The following UBE4B variants were observed in gnomAD, a reference collection of about 807,000 sequenced individuals.
The protein encoded by UBE4B is ubiquitin conjugation factor E4 B.
A neutral mutation model predicts 148.1 loss-of-function variants in UBE4B; 27 were observed. The ratio of observed to expected loss-of-function variants is 0.18; its 90% CI spans 0.13 to 0.25. The LOEUF is 0.25. Among genes scored for constraint, UBE4B ranks in the 10% least tolerant of loss-of-function variants. The probability of loss-of-function intolerance (pLI) is 1.00; values close to 1 mark genes in which losing one functional copy is unlikely to be tolerated. For missense variants in UBE4B, 1,170 were observed against 1,662.4 expected (o/e 0.70, Z 5.15); for synonymous variants, 596 against 619.3 (o/e 0.96, Z 0.56).
At chr1:10,119,388 T>C in intron 8 of UBE4B, 125 bp from the exon 9 acceptor site, 1 of 852,704 alleles carries the variant, frequency 1.2e-6, no homozygotes, top group Non-Finnish European at 1.8e-6. Flanking sequence ...GCTCGTTCAC[T>C]AAGAATAAAG....
intron 1 of UBE4B, among the ~76,000 whole-genome samples, chr1:10,061,916 T>C (rs1028811205): frequency 1.3e-5 from 2 of 150,800 alleles, no homozygotes; most frequent in African/African-American, 4.9e-5. Context: ...TTTTTTCTTT[T>C]TTTTTTTTTT....
At chr1:10,146,623 G>A (rs1464706669) in intron 18 of UBE4B, among the ~76,000 whole-genome samples, 1 of 152,134 alleles carries the variant, frequency 6.6e-6, no homozygotes, top group East Asian at 1.9e-4. Context: ...GACACTGATT[G>A]TTTGGCTTTT....
chr1:10,066,115 C>T (rs966921541), intron 1 of UBE4B, among the ~76,000 whole-genome samples: 1 of 148,646 alleles, frequency 6.7e-6, no homozygotes, highest in Non-Finnish European at 1.5e-5. Flanking sequence ...CTCCCTCCCT[C>T]TCTCCCTTCC....
At chr1:10,114,944 G>A (rs1242681485) in intron 7 of UBE4B, among the ~76,000 whole-genome samples, 3 of 152,100 alleles carry the variant, frequency 2.0e-5, no homozygotes, top group African/African-American at 7.2e-5. Flanking sequence ...CATGACTCTG[G>A]CGAGGGCTTT....
chr1:10,169,433 C>T (rs1195651096), intron 24 of UBE4B, among the ~76,000 whole-genome samples: 3 of 152,216 alleles, frequency 2.0e-5, no homozygotes, highest in Non-Finnish European at 2.9e-5. Flanking sequence ...CTTTTCCACT[C>T]TTTTAACTTT....
chr1:10,174,786 T>C (rs1571036913), intron 25 of UBE4B, among the ~76,000 whole-genome samples: 1 of 152,010 alleles, frequency 6.6e-6, no homozygotes, highest in East Asian at 1.9e-4. Flanking sequence ...CTATTTATAT[T>C]GGCCATAAGC....
In UBE4B at chr1:10,042,419, C is replaced by T. The variant is rs1234256081; in HGVS notation, c.24+8725C>T. Among the ~76,000 whole-genome samples, 3 of 152,030 alleles carry T rather than the reference C, an allele frequency of 2.0e-5. No individual in the cohort carries two copies. The South Asian group carries it at 6.2e-4, about 31-fold the overall frequency. ...ATCCCAGCACTTTGGGATGCTGAGG[C>T]GGGTGGATCACGAGGTCAGGAGTTC... On this transcript the variant is annotated intron_variant, in intron 1 of 27. Coordinates refer to ENST00000343090, the MANE Select transcript of UBE4B (RefSeq NM_001105562.3).
chr1:10,139,738 G>C (rs1284946112), intron 17 of UBE4B, among the ~76,000 whole-genome samples: 3 of 152,036 alleles, frequency 2.0e-5, no homozygotes, highest in Non-Finnish European at 4.4e-5. Flanking sequence ...GTTTTTGAGA[G>C]GAGGTTCACT....
At chr1:10,040,875 C>T (rs1449542316) in intron 1 of UBE4B, among the ~76,000 whole-genome samples, 1 of 152,302 alleles carries the variant, frequency 6.6e-6, no homozygotes, top group African/African-American at 2.4e-5. Context: ...CTGCCTCAGC[C>T]TCCCAAAGTG....
chr1:10,136,502 G>T (rs370413248), intron 16 of UBE4B, among the ~76,000 whole-genome samples: 20 of 146,226 alleles, frequency 1.4e-4, no homozygotes, highest in East Asian at 1.2e-3. Flanking sequence ...AAAAAAAAAA[G>T]ATTGTGATGG....
At chr1:10,153,005 C>T (rs923997969) in intron 21 of UBE4B, among the ~76,000 whole-genome samples, 19 of 151,606 alleles carry the variant, frequency 1.3e-4, no homozygotes, top group Non-Finnish European at 7.4e-5. Context: ...GGGTTGTGCA[C>T]GGTTGCTAGC....
At chr1:10,043,114 A>G (rs1291378547) in intron 1 of UBE4B, among the ~76,000 whole-genome samples, 1 of 151,526 alleles carries the variant, frequency 6.6e-6, no homozygotes, top group African/African-American at 2.4e-5. Context: ...GGTTCAAGCA[A>G]TTCTCCTGTC....
intron 7 of UBE4B, among the ~76,000 whole-genome samples, chr1:10,107,653 C>T (rs1405683931): frequency 1.3e-5 from 2 of 150,302 alleles, no homozygotes; most frequent in African/African-American, 2.5e-5. Flanking sequence ...TCTCGGCTCA[C>T]GGCAACTTCC....
At chr1:10,039,009 G>A (rs973506329) in intron 1 of UBE4B, among the ~76,000 whole-genome samples, 2 of 152,012 alleles carry the variant, frequency 1.3e-5, no homozygotes, top group African/African-American at 4.8e-5. Context: ...GCAGTGAGCC[G>A]AGATTGCGCC....
intron 21 of UBE4B, among the ~76,000 whole-genome samples, chr1:10,155,990 A>G (rs1349942841): frequency 6.6e-6 from 1 of 151,252 alleles, no homozygotes; most frequent in Non-Finnish European, 1.5e-5. Context: ...AGATCTTGCC[A>G]CTGTACTCCA....
intron 1 of UBE4B, among the ~76,000 whole-genome samples, chr1:10,039,981 G>A (rs948066298): frequency 1.6e-4 from 24 of 152,020 alleles, no homozygotes; most frequent in Admixed American, 2.0e-4. Flanking sequence ...ACCCAGTTTT[G>A]ATGATCAGTT....
At chr1:10,065,873 T>TA (rs778873595) in intron 1 of UBE4B, among the ~76,000 whole-genome samples, 50 of 152,322 alleles carry the variant, frequency 3.3e-4, no homozygotes, top group Non-Finnish European at 5.4e-4. Flanking sequence ...TACATCCTTT[T>TA]AAAAAATAAA....
chr1:10,057,653 C>T (rs924071961), intron 1 of UBE4B, among the ~76,000 whole-genome samples: 5 of 149,988 alleles, frequency 3.3e-5, no homozygotes, highest in African/African-American at 1.2e-4. Context: ...CAGTCCTCCC[C>T]AGGGAGGTTG....
intron 7 of UBE4B, among the ~76,000 whole-genome samples, chr1:10,115,521 C>T (rs918160112): frequency 3.4e-4 from 51 of 152,004 alleles, no homozygotes; most frequent in African/African-American, 1.2e-3. Context: ...ATCCACCTAC[C>T]TTAGCCTCCC....
Sources: allele counts gnomAD v4.1 joint callset (sites outside exome capture counted in the v4.1 genomes callset), GRCh38; gene constraint gnomAD v4.1.1; transcripts MANE v1.5; gene names NCBI Gene and HGNC (gene_info 2026-07-23, HGNC 2026-07-21).